Variants in SLC2A9 observed in about 807,000 individuals in gnomAD.
SLC2A9 encodes the protein solute carrier family 2 member 9, also known as solute carrier family 2, facilitated glucose transporter member 9.
SLC2A9 carries 39 observed loss-of-function variants against 50.6 expected under a neutral mutation model. The ratio of observed to expected loss-of-function variants is 0.77; its 90% CI spans 0.60 to 1.01. SLC2A9 has a LOEUF of 1.01. Among genes scored for constraint, SLC2A9 ranks in the 50% least tolerant of loss-of-function variants. SLC2A9 has a pLI of 0.00. For missense variants in SLC2A9, 686 were observed against 677.6 expected (o/e 1.01, Z -0.14); for synonymous variants, 324 against 276.9 (o/e 1.17, Z -1.69).
At chr4:10,037,388 C>T (rs1764141093) in intron 1 of SLC2A9, among the ~76,000 whole-genome samples, 1 of 152,090 alleles carries the variant, frequency 6.6e-6, no homozygotes, top group South Asian at 2.1e-4. Context: ...TTTTGATGTT[C>T]ATCCTGTCGC....
chr4:9,826,672 G>C, intron 11 of SLC2A9, 72 bp from the exon 12 acceptor site: 1 of 1,369,236 alleles, frequency 7.3e-7, no homozygotes, highest in South Asian at 1.2e-5. Context: ...TCTCTACACA[G>C]ATTTTTAAGA....
At chr4:9,820,221 G>C (rs1035019682) in intron 3 of SLC2A9, among the ~76,000 whole-genome samples, 1 of 152,154 alleles carries the variant, frequency 6.6e-6, no homozygotes, top group South Asian at 2.1e-4. Flanking sequence ...CAGAACCATT[G>C]TAGAAAAGAT....
intron 6 of SLC2A9, among the ~76,000 whole-genome samples, chr4:9,940,945 A>G (rs1748001899): frequency 1.3e-5 from 2 of 152,178 alleles, no homozygotes; most frequent in Non-Finnish European, 2.9e-5. Flanking sequence ...AATACTACGA[A>G]CCTTATATGC....
intron 2 of SLC2A9, among the ~76,000 whole-genome samples, chr4:9,999,260 C>G (rs1759339407): frequency 6.6e-6 from 1 of 151,920 alleles, no homozygotes; most frequent in Admixed American, 6.6e-5. Flanking sequence ...GAGGTCTCGC[C>G]ATGTTCCCCA....
intron 8 of SLC2A9, among the ~76,000 whole-genome samples, chr4:9,894,127 A>G (rs1358806030): frequency 6.6e-6 from 1 of 152,244 alleles, no homozygotes; most frequent in Non-Finnish European, 1.5e-5. Flanking sequence ...TCAAAGATGC[A>G]TGGACAACGA....
intron 7 of SLC2A9, among the ~76,000 whole-genome samples, chr4:9,915,377 A>G (rs1560296109): frequency 1.3e-5 from 2 of 152,210 alleles, no homozygotes; most frequent in East Asian, 3.9e-4. Context: ...ATCTGGGATT[A>G]CAGGCATGTG....
chr4:10,013,536 T>C (rs1762118708), intron 2 of SLC2A9, among the ~76,000 whole-genome samples: 1 of 152,064 alleles, frequency 6.6e-6, no homozygotes, highest in Non-Finnish European at 1.5e-5. Context: ...TAAAAGGGGG[T>C]TAGTGATAGC....
intron 3 of SLC2A9, among the ~76,000 whole-genome samples, chr4:9,793,100 C>T (rs7685396): frequency 6.6e-6 from 1 of 151,964 alleles, no homozygotes. Flanking sequence ...AATGAAAGAC[C>T]CTTTGAGACA....
chr4:9,859,887 CG>C (rs1313628405), intron 10 of SLC2A9, among the ~76,000 whole-genome samples: 2 of 152,188 alleles, frequency 1.3e-5, no homozygotes, highest in Non-Finnish European at 2.9e-5. Flanking sequence ...CTGTGACAAG[CG>C]GCCTCTGCAA....
At chr4:9,840,958 T>G (rs1029682950) in intron 10 of SLC2A9, among the ~76,000 whole-genome samples, 13 of 152,252 alleles carry the variant, frequency 8.5e-5, no homozygotes, top group African/African-American at 3.1e-4. Flanking sequence ...TTTGAAACCA[T>G]TAGATCTTGT....
At position 9,845,427 on chromosome 4, in the gene SLC2A9, C is replaced by CTTT. The variant is rs1175166447; in HGVS notation, c.1292-10422_1292-10420dup. 3.5e-4 allele frequency among the ~76,000 whole-genome samples: 38 copies of CTTT among 108,678 alleles called. 1 individual carries two copies. Among genetic ancestry groups the CTTT allele is most frequent in the Non-Finnish European group, 4.0e-4 (22 of 55,648 alleles). 71.3% of individuals were successfully genotyped at this position (108,678 alleles called of 152,430 possible). On this transcript the variant is annotated intron_variant, in intron 10 of 11. Transcript: ENST00000264784. ...CCAATGGAACCACGATCATCAATTTCTTTTTTTTTTTTTTTTTTTTGAGAC... is the reference window on the plus strand; with the variant it reads ...CCAATGGAACCACGATCATCAATTTCTTTTTTTTTTTTTTTTTTTTTTTGAGAC...
chr4:10,013,890 T>C (rs1051936251), intron 2 of SLC2A9, among the ~76,000 whole-genome samples: 4 of 152,162 alleles, frequency 2.6e-5, no homozygotes, highest in African/African-American at 9.7e-5. Context: ...GGGCCAGTGC[T>C]AAAGGCAGCA....
At chr4:9,827,324 G>A (rs1490329813) in intron 11 of SLC2A9, among the ~76,000 whole-genome samples, 1 of 152,178 alleles carries the variant, frequency 6.6e-6, no homozygotes, top group Non-Finnish European at 1.5e-5. Context: ...CAATCAATCT[G>A]CTTGCTTTGG....
chr4:9,780,770 T>A (rs1718245144), intron 3 of SLC2A9, among the ~76,000 whole-genome samples: 1 of 152,320 alleles, frequency 6.6e-6, no homozygotes, highest in Middle Eastern at 3.4e-3. Context: ...CTGTTTTCCC[T>A]CTTTATTGTT....
At chr4:9,822,826 T>C (rs546645458), downstream of SLC2A9, among the ~76,000 whole-genome samples, 4 of 152,294 alleles carry the variant, frequency 2.6e-5, no homozygotes, top group Admixed American at 2.0e-4. Context: ...ATCACATTTT[T>C]TTCCCCCAAG....
At chr4:10,034,434 C>G (rs544881000) in intron 1 of SLC2A9, 2 of 152,406 alleles carry the variant, frequency 1.3e-5, no homozygotes, top group South Asian at 4.1e-4. Context: ...GCCACAGCCG[C>G]AGGGTTTGCC....
intron 8 of SLC2A9, among the ~76,000 whole-genome samples, chr4:9,905,265 CA>C (rs796541342): frequency 1.3e-5 from 2 of 152,226 alleles, no homozygotes; most frequent in South Asian, 4.1e-4. Context: ...TCTAGAACAG[CA>C]AAACATCATT....
At chr4:10,034,727 G>A (rs960914710) in intron 1 of SLC2A9, 2 of 152,252 alleles carry the variant, frequency 1.3e-5, no homozygotes, top group African/African-American at 4.8e-5. Context: ...TGAAACAGTA[G>A]GTACACAGCT....
chr4:9,867,649 G>C (rs1732705758), intron 10 of SLC2A9, among the ~76,000 whole-genome samples: 1 of 152,168 alleles, frequency 6.6e-6, no homozygotes, highest in African/African-American at 2.4e-5. Context: ...GGGAGTACAG[G>C]GGAGCCTCAC....
Sources: gnomAD v4.1 joint callset for allele counts (sites outside exome capture counted in the v4.1 genomes callset) on GRCh38, gnomAD v4.1.1 for gene constraint, MANE v1.5 for transcripts, NCBI Gene and HGNC (gene_info 2026-07-23, HGNC 2026-07-21) for gene names.